Variants in NOL4L observed in about 807,000 individuals in gnomAD.
NOL4L encodes nucleolar protein 4 like.
A neutral mutation model predicts 64.5 loss-of-function variants in NOL4L; 7 were observed. The ratio of observed to expected loss-of-function variants is 0.11; its 90% CI spans 0.06 to 0.20. The LOEUF (loss-of-function observed/expected upper bound fraction) is 0.20. Among genes scored for constraint, NOL4L ranks in the 10% least tolerant of loss-of-function variants. The probability of loss-of-function intolerance (pLI) is 1.00; values close to 1 mark genes in which losing one functional copy is unlikely to be tolerated. For missense variants in NOL4L, 680 were observed against 967.1 expected (o/e 0.70, Z 3.94); for synonymous variants, 413 against 401.0 (o/e 1.03, Z -0.36).
chr20:32,574,233 C>G (rs969926426), intron 1 of NOL4L, among the ~76,000 whole-genome samples: 1 of 152,204 alleles, frequency 6.6e-6, no homozygotes, highest in African/African-American at 2.4e-5. Context: ...CCCTGTTGCC[C>G]GGGGAGACCC....
At position 32,444,033 on chromosome 20, in the gene NOL4L, T is replaced by G. The variant is rs190462502; in HGVS notation, c.*3563A>C. ...AGGTAAAAAGTGAGAGGTTTTTGTT[T>G]GTGGCTTTGCTAAGCAGATGAGCTT... On this transcript the variant is annotated 3_prime_UTR_variant, in exon 11 of 11. Coordinates refer to ENST00000621426, the MANE Select transcript of NOL4L (RefSeq NM_001256798.2). 290 of 152,334 alleles carry G rather than the reference T, an allele frequency of 1.9e-3. No homozygotes were observed. The highest frequency in any genetic ancestry group is 6.7e-3 in the African/African-American group (279 of 41,574). The allele number at this position is 152,334 out of a possible 1,614,324, so 9.4% of individuals were successfully genotyped here. A position where few individuals can be genotyped will look rare whatever the true frequency, so the allele number is the denominator to read the frequency against.
intron 5 of NOL4L, among the ~76,000 whole-genome samples, 162 bp from the exon 6 acceptor site, chr20:32,456,557 C>G (rs1380544503): frequency 6.6e-6 from 1 of 152,204 alleles, no homozygotes; most frequent in Non-Finnish European, 1.5e-5. Context: ...ACAGCCTCAG[C>G]TGAGGCAGCC....
At chr20:32,507,778 G>A (rs2017193906) in intron 4 of NOL4L, among the ~76,000 whole-genome samples, 1 of 152,204 alleles carries the variant, frequency 6.6e-6, no homozygotes, top group African/African-American at 2.4e-5. Flanking sequence ...GGGAGGCTAA[G>A]GCAGGTGGAT....
At chr20:32,508,991 C>T (rs1207847521) in intron 4 of NOL4L, among the ~76,000 whole-genome samples, 1 of 152,190 alleles carries the variant, frequency 6.6e-6, no homozygotes, top group African/African-American at 2.4e-5. Flanking sequence ...TAAGCTGTTC[C>T]CTTGGCCTGG....
chr20:32,524,882 G>A (rs907868044), intron 2 of NOL4L, among the ~76,000 whole-genome samples: 6 of 152,154 alleles, frequency 3.9e-5, no homozygotes, highest in Non-Finnish European at 7.4e-5. Context: ...TGACAGATGG[G>A]GAGGAGAAGG....
chr20:32,532,963 A>T (rs1277464824), intron 1 of NOL4L, among the ~76,000 whole-genome samples: 4 of 152,182 alleles, frequency 2.6e-5, no homozygotes, highest in Non-Finnish European at 5.9e-5. Context: ...AGCCAGGCCA[A>T]CAGAATCAGA....
At chr20:32,525,731 C>T (rs542688020) in intron 2 of NOL4L, among the ~76,000 whole-genome samples, 2 of 152,220 alleles carry the variant, frequency 1.3e-5, no homozygotes, top group Admixed American at 6.5e-5. Flanking sequence ...CAGGCACACA[C>T]CACTAGGCCT....
intron 5 of NOL4L, among the ~76,000 whole-genome samples, chr20:32,462,155 AG>A (rs1228931707): frequency 6.6e-6 from 1 of 152,204 alleles, no homozygotes; most frequent in Non-Finnish European, 1.5e-5. Flanking sequence ...CGCTGGGGAA[AG>A]CAGGGCTGAT....
intron 1 of NOL4L, 64 bp from the exon 2 acceptor site, chr20:32,527,977 G>C: frequency 1.3e-6 from 2 of 1,493,062 alleles, no homozygotes; most frequent in Non-Finnish European, 1.8e-6. Context: ...ACTGGGCCCT[G>C]AGGCCGGGGC....
At position 32,488,831 on chromosome 20, in the gene NOL4L, CTTTCTT is replaced by C. The variant is rs1568648873; in HGVS notation, c.700-14095_700-14090del. Among the ~76,000 whole-genome samples, 50 of 34,826 alleles carry C rather than the reference CTTTCTT, an allele frequency of 1.4e-3. 4 individuals are homozygous for C. The highest frequency in any genetic ancestry group is 4.1e-3 in the Admixed American group (13 of 3,170). The allele number at this position is 34,826 out of a possible 152,430, so 22.8% of individuals were successfully genotyped here. A position where few individuals can be genotyped will look rare whatever the true frequency, so the allele number is the denominator to read the frequency against. The stretch of plus-strand genomic sequence containing the variant: ...TTTCTTTCTTTCTTTCTTTCTTTTT[CTTTCTT>C]TCTTTCTTTCTTTCTTTCTTTCTTT... On this transcript the variant is annotated intron_variant, in intron 4 of 10. Coordinates refer to ENST00000621426, the MANE Select transcript of NOL4L (RefSeq NM_001256798.2).
At chr20:32,477,566 G>A (rs1004854533) in intron 4 of NOL4L, among the ~76,000 whole-genome samples, 4 of 152,232 alleles carry the variant, frequency 2.6e-5, no homozygotes, top group Non-Finnish European at 5.9e-5. Context: ...AGTGAGACTT[G>A]TTGAATCAAC....
intron 1 of NOL4L, among the ~76,000 whole-genome samples, chr20:32,579,349 C>T (rs970471459): frequency 5.9e-5 from 9 of 152,256 alleles, no homozygotes; most frequent in Non-Finnish European, 8.8e-5. Context: ...CACATGCACG[C>T]ACATGCGTGT....
At chr20:32,581,942 G>A (rs1324537457) in intron 1 of NOL4L, 2 of 152,206 alleles carry the variant, frequency 1.3e-5, no homozygotes, top group African/African-American at 4.8e-5. Context: ...TTCAAAGGAG[G>A]TCCCATTCAG....
At chr20:32,495,066 C>T (rs1600755579) in intron 4 of NOL4L, among the ~76,000 whole-genome samples, 2 of 152,206 alleles carry the variant, frequency 1.3e-5, no homozygotes, top group African/African-American at 4.8e-5. Context: ...TGCTACGCTA[C>T]GTCCAGGCAC....
intron 1 of NOL4L, chr20:32,537,137 C>T: frequency 1.0e-6 from 1 of 984,856 alleles, no homozygotes; most frequent in Non-Finnish European, 1.2e-6. Flanking sequence ...CTTCAGGGAG[C>T]GCCCGCTATG....
chr20:32,475,439 G>T (rs2015325960), intron 4 of NOL4L: 2 of 648,606 alleles, frequency 3.1e-6, no homozygotes, highest in Non-Finnish European at 1.9e-6. Flanking sequence ...GGCCGCCAGG[G>T]CGTTCCAAAC....
chr20:32,475,599 G>A (rs1025525173), intron 4 of NOL4L, among the ~76,000 whole-genome samples: 1 of 152,248 alleles, frequency 6.6e-6, no homozygotes. Flanking sequence ...CCTCCTCCAG[G>A]CCCAGCCTTT....
chr20:32,496,049 C>T (rs1298949404), intron 4 of NOL4L, among the ~76,000 whole-genome samples: 1 of 152,172 alleles, frequency 6.6e-6, no homozygotes, highest in Non-Finnish European at 1.5e-5. Context: ...GCCCTGCTTC[C>T]CTCTGGCAGA....
Position 32,575,818 on chromosome 20 carries a change from A to T in NOL4L, c.321+8752T>A, listed in dbSNP as rs548907576. 9.9e-4 allele frequency among the ~76,000 whole-genome samples: 151 copies of T among 152,332 alleles called. 1 individual carries two copies. Among genetic ancestry groups the T allele is most frequent in the Non-Finnish European group, 1.4e-3 (96 of 68,034 alleles). Reference sequence around the variant, plus strand: ...GAAAAGAGAGATGGGAGATGGTCCAAGGGATCTAAGGTGGGCCTCACTGGG... The same window carrying T: ...GAAAAGAGAGATGGGAGATGGTCCATGGGATCTAAGGTGGGCCTCACTGGG... On this transcript the variant is annotated intron_variant, in intron 1 of 10. Coordinates refer to ENST00000621426, the MANE Select transcript of NOL4L (RefSeq NM_001256798.2).
Sources: gnomAD v4.1 joint callset for allele counts (sites outside exome capture counted in the v4.1 genomes callset) on GRCh38, gnomAD v4.1.1 for gene constraint, MANE v1.5 for transcripts, NCBI Gene and HGNC (gene_info 2026-07-23, HGNC 2026-07-21) for gene names.